The following PC variants were observed in gnomAD, a reference collection of about 807,000 sequenced individuals.
PC encodes pyruvate carboxylase, also known as pyruvate carboxylase, mitochondrial.
In PC, 46 loss-of-function variants were observed where a neutral mutation model predicts 107.8. The observed-to-expected ratio is 0.43, with a 90% CI of 0.34 to 0.55. PC has a LOEUF of 0.55. Among genes scored for constraint, PC ranks in the 20% least tolerant of loss-of-function variants. The pLI, the probability that PC is intolerant of heterozygous loss-of-function variation, is 0.04. For synonymous variants in PC, 662 were observed against 684.7 expected, an observed-to-expected ratio of 0.97 and a Z score of 0.52; for missense variants, 1,241 against 1,643.1, an observed-to-expected ratio of 0.76 and a Z score of 4.23.
chr11:66,923,573 G>C (rs1948644388), intron 3 of PC, among the ~76,000 whole-genome samples: 2 of 150,800 alleles, frequency 1.3e-5, no homozygotes, highest in South Asian at 2.2e-4. Flanking sequence ...CGTAGTAGTG[G>C]CGCGATCTCG....
At chr11:66,885,685 C>A (rs953886124) in intron 3 of PC, among the ~76,000 whole-genome samples, 2 of 152,154 alleles carry the variant, frequency 1.3e-5, no homozygotes, top group African/African-American at 4.8e-5. Context: ...AGCTACAAGT[C>A]AGGCAAGGCC....
chr11:66,890,958 A>T (rs1425748642), intron 3 of PC, among the ~76,000 whole-genome samples: 1 of 152,180 alleles, frequency 6.6e-6, no homozygotes, highest in African/African-American at 2.4e-5. Flanking sequence ...GTGTTAAAAA[A>T]TGAATAACTT....
rs527524038 is a variant in PC, at chr11:66,860,757, G to A, written c.1368+3017C>T. The A allele has an allele frequency of 2.1e-5, 15 of 698,254 alleles. No homozygotes were observed. In the East Asian group the frequency reaches 3.0e-4, roughly 14 times the overall value. The allele number at this position is 698,254 out of a possible 1,614,324, so 43.3% of individuals were successfully genotyped here. A position where few individuals can be genotyped will look rare whatever the true frequency, so the allele number is the denominator to read the frequency against. On this transcript the variant is annotated intron_variant, in intron 12 of 22. Transcript: ENST00000393960. ...TCCTGCCAGGTGGCGACAGGACGCC[G>A]TATCCAGTGTAAAGCCTGGGGAGCA...
intron 1 of PC, among the ~76,000 whole-genome samples, chr11:66,956,541 C>G (rs1034059495): frequency 6.6e-6 from 1 of 152,142 alleles, no homozygotes; most frequent in African/African-American, 2.4e-5. Context: ...GCTGAGATCA[C>G]ACCGCTGCAC....
intron 3 of PC, among the ~76,000 whole-genome samples, chr11:66,894,137 C>T (rs1591241841): frequency 6.6e-6 from 1 of 152,278 alleles, no homozygotes; most frequent in East Asian, 1.9e-4. Context: ...CATGACGGCA[C>T]TCTTCCTGAA....
chr11:66,849,776 C>T lies in PC; in HGVS notation c.2982G>A (p.Leu994=). 2 of 1,614,146 alleles carry T rather than the reference C, an allele frequency of 1.2e-6. No homozygotes were observed. The highest frequency in any genetic ancestry group is 1.7e-6 in the Non-Finnish European group (2 of 1,180,028). Residue 994 remains leucine (L), a synonymous_variant, in exon 21 of 23, where the codon CTG becomes CTA. Transcript: ENST00000393960. The part of the protein sequence containing the change: ...PLDLQALEKE[L]VDRHGEEVTP... ...TCACCTCCTCCCCATGCCGGTCTAC[C>T]AGCTCCTTCTCCAGTGCCTGCAGAT...
At chr11:66,865,900 G>T (rs527416582) in intron 11 of PC, among the ~76,000 whole-genome samples, 1 of 152,242 alleles carries the variant, frequency 6.6e-6, no homozygotes, top group South Asian at 2.1e-4. Flanking sequence ...GTCAGGGGCT[G>T]GCTTTGTGTC....
chr11:66,903,752 G>GAAAAAAAAA (rs1175402409), intron 3 of PC, among the ~76,000 whole-genome samples: 1 of 76,212 alleles, frequency 1.3e-5, no homozygotes. Flanking sequence ...TCCATCTCAG[G>GAAAAAAAAA]AAAAAAAAAA....
chr11:66,851,324 C>G, intron 16 of PC, 44 bp from the exon 17 acceptor site: 1 of 1,598,908 alleles, frequency 6.3e-7, no homozygotes, highest in Non-Finnish European at 8.5e-7. Context: ...ACCCCACCTC[C>G]CTCTGAACAG....
rs745877977 is a variant in PC, at chr11:66,858,035, C to T, written c.1369-4652G>A. 1.2e-5 allele frequency: 19 copies of T among 1,611,400 alleles called. No homozygotes were observed. Among genetic ancestry groups the T allele is most frequent in the Non-Finnish European group, 1.6e-5 (19 of 1,179,638 alleles). Reference sequence around the variant, plus strand: ...CCCGCGCCTTTGGGGACCTCGAGAGCCTGCGTTCCCTCCACCTTGACGGCA... The same window carrying T: ...CCCGCGCCTTTGGGGACCTCGAGAGTCTGCGTTCCCTCCACCTTGACGGCA... On this transcript the variant is annotated intron_variant, in intron 12 of 22. Transcript: ENST00000393960. The surrounding 1 kb of genome is among the most constrained non-coding windows in gnomAD (Gnocchi z 5.9).
intron 3 of PC, among the ~76,000 whole-genome samples, chr11:66,947,340 T>C (rs1246867302): frequency 6.6e-6 from 1 of 151,794 alleles, no homozygotes; most frequent in Non-Finnish European, 1.5e-5. Flanking sequence ...TTCCAGCACT[T>C]TGGGAGGCCG....
chr11:66,869,721 C>T (rs1393988092), intron 9 of PC, among the ~76,000 whole-genome samples: 3 of 152,154 alleles, frequency 2.0e-5, no homozygotes, highest in Non-Finnish European at 2.9e-5. Context: ...GGCAGGACCC[C>T]GCTGCACACC....
chr11:66,849,447 C>A, intron 21 of PC, 77 bp from the exon 22 acceptor site: 1 of 1,606,146 alleles, frequency 6.2e-7, no homozygotes, highest in East Asian at 2.2e-5. Context: ...CATAGGAAGT[C>A]CCCACACTGG....
chr11:66,898,857 A>G (rs1307355940), intron 3 of PC, among the ~76,000 whole-genome samples: 2 of 151,930 alleles, frequency 1.3e-5, no homozygotes, highest in Non-Finnish European at 2.9e-5. Flanking sequence ...GGATTTGCCT[A>G]TTCTGGACAT....
In PC at chr11:66,848,434, C is replaced by T. The variant is rs1224393506; in HGVS notation, c.*465G>A. 7.6e-6 allele frequency: 4 copies of T among 525,438 alleles called. No individual in the cohort carries two copies. The highest frequency in any genetic ancestry group is 3.4e-5 in the South Asian group (1 of 29,722). 32.5% of individuals were successfully genotyped at this position (525,438 alleles called of 1,614,324 possible). On this transcript the variant is annotated 3_prime_UTR_variant, in exon 23 of 23. Transcript: ENST00000393960. ...TCACTACCCTCTGAGGAGAACGACA[C>T]AACTGACCTGCCCACCCATGGGGAG...
intron 3 of PC, among the ~76,000 whole-genome samples, chr11:66,897,459 T>A (rs2136031444): frequency 6.6e-6 from 1 of 152,160 alleles, no homozygotes; most frequent in Non-Finnish European, 1.5e-5. Flanking sequence ...GTAGTCCCAG[T>A]TACTCGGGAG....
intron 3 of PC, among the ~76,000 whole-genome samples, chr11:66,951,082 G>A (rs995693321): frequency 3.3e-5 from 5 of 152,034 alleles, no homozygotes; most frequent in Non-Finnish European, 5.9e-5. Flanking sequence ...GGAGGACTGC[G>A]GGAAATCTCA....
At chr11:66,856,188 C>T (rs943325976) in intron 12 of PC, among the ~76,000 whole-genome samples, 2 of 152,240 alleles carry the variant, frequency 1.3e-5, no homozygotes, top group African/African-American at 4.8e-5. Context: ...TGGTTCCGAG[C>T]CGCTCTTCCA....
Position 66,871,511 on chromosome 11 carries a change from C to A in PC, c.322-31G>T, listed in dbSNP as rs747571693. 3.1e-6 allele frequency: 5 copies of A among 1,611,974 alleles called. No homozygotes were observed. The South Asian group carries it at 4.4e-5, about 14-fold the overall frequency. On this transcript the variant is annotated intron_variant, in intron 5 of 22. Coordinates refer to ENST00000393960, the MANE Select transcript of PC (RefSeq NM_001040716.2). This position sits in a 1 kb window ranked among gnomAD's most constrained non-coding sequence, Gnocchi z 7.4. ...GGTGGGGGTCAGGGAGAGGACGGTA[C>A]CTTGCAGTCCCTTCCAAGGCCTCGG...
Sources: allele counts gnomAD v4.1 joint callset (sites outside exome capture counted in the v4.1 genomes callset), GRCh38; gene constraint gnomAD v4.1.1; non-coding constraint Gnocchi (gnomAD v3.1); transcripts MANE v1.5; gene names NCBI Gene and HGNC (gene_info 2026-07-23, HGNC 2026-07-21).